Variants in PATJ observed in about 807,000 individuals in gnomAD.
The protein encoded by PATJ is inaD-like protein.
Under a neutral mutation model 224.9 loss-of-function variants are expected in PATJ, and 190 were observed. That is an observed-to-expected ratio of 0.84 (90% CI 0.75 to 0.95). PATJ has a LOEUF of 0.95. PATJ is among the 40% of genes least tolerant of loss of function. The probability of loss-of-function intolerance (pLI) is 0.00; values close to 1 mark genes in which losing one functional copy is unlikely to be tolerated. For synonymous variants in PATJ, 769 were observed against 820.3 expected (o/e 0.94, Z 1.07); for missense variants, 2,121 against 2,270.3 (o/e 0.93, Z 1.34).
chr1:62,100,911 A>G (rs1570594645), intron 33 of PATJ, among the ~76,000 whole-genome samples: 1 of 152,310 alleles, frequency 6.6e-6, no homozygotes, highest in South Asian at 2.1e-4. Context: ...AGAAGGATCA[A>G]TCAACTTTAT....
chr1:62,161,291 G>A lies in PATJ; in HGVS notation c.*237G>A, dbSNP rs1367928819. On this transcript the variant is annotated 3_prime_UTR_variant, in exon 44 of 44. Transcript: ENST00000642238. ...CGAGGTTGATTTCTAAAACTTAAAT[G>A]AGTCTACCTGTTTTGCATTTAATTT... 2.6e-5 allele frequency: 8 copies of A among 310,368 alleles called. No individual in the cohort carries two copies. Among genetic ancestry groups the A allele is most frequent in the Non-Finnish European group, 4.7e-5 (8 of 169,808 alleles). 19.2% of individuals were successfully genotyped at this position (310,368 alleles called of 1,614,324 possible).
chr1:62,134,778 G>A (rs1019996160), intron 41 of PATJ, among the ~76,000 whole-genome samples: 3 of 152,142 alleles, frequency 2.0e-5, no homozygotes, highest in East Asian at 1.9e-4. Context: ...TGCCTCGGGC[G>A]CAGGCCTCGC....
At chr1:61,796,744 TTTTTCTTCC>T (rs1402908228) in intron 10 of PATJ, among the ~76,000 whole-genome samples, 5 of 119,090 alleles carry the variant, frequency 4.2e-5, no homozygotes, top group African/African-American at 1.3e-4. Flanking sequence ...TTCTTTCTTT[TTTTTCTTCC>T]TTTCTTCCTT....
At chr1:62,095,937 A>G (rs1022907869) in intron 33 of PATJ, among the ~76,000 whole-genome samples, 1 of 152,204 alleles carries the variant, frequency 6.6e-6, no homozygotes, top group Non-Finnish European at 1.5e-5. Flanking sequence ...ATGCATGACC[A>G]GCAGCACTGA....
intron 28 of PATJ, among the ~76,000 whole-genome samples, chr1:62,016,841 ACATGTTTACAAAAT>A (rs1327758332): frequency 6.6e-6 from 1 of 152,218 alleles, no homozygotes; most frequent in Non-Finnish European, 1.5e-5. Flanking sequence ...AATAACCTTG[ACATGTTTACAAAAT>A]CATGTTTAAT....
chr1:61,927,252 G>A (rs1370345127), intron 26 of PATJ, among the ~76,000 whole-genome samples: 1 of 151,914 alleles, frequency 6.6e-6, no homozygotes, highest in Non-Finnish European at 1.5e-5. Context: ...AGAAAATCTT[G>A]GTATGTCACG....
intron 7 of PATJ, among the ~76,000 whole-genome samples, chr1:61,780,815 CAG>C (rs1177092462): frequency 6.6e-6 from 1 of 152,106 alleles, no homozygotes; most frequent in East Asian, 1.9e-4. Flanking sequence ...ATAAGATGTG[CAG>C]AGTTTCCCAG....
intron 31 of PATJ, among the ~76,000 whole-genome samples, chr1:62,073,530 G>C (rs1570454830): frequency 6.6e-6 from 1 of 152,108 alleles, no homozygotes; most frequent in African/African-American, 2.4e-5. Flanking sequence ...CTACTCAGGA[G>C]GCTGAGGCCT....
At chr1:61,794,148 C>T (rs113296847) in intron 9 of PATJ, among the ~76,000 whole-genome samples, 3,793 of 151,930 alleles carry the variant, frequency 0.025, 179 homozygotes, top group African/African-American at 0.087. Context: ...GTGATCTGTC[C>T]GCCTCAGCCT....
At chr1:62,056,090 G>A (rs1456016953) in intron 31 of PATJ, among the ~76,000 whole-genome samples, 1 of 152,120 alleles carries the variant, frequency 6.6e-6, no homozygotes, top group Non-Finnish European at 1.5e-5. Flanking sequence ...CAATTGGATG[G>A]TGCCTTGCCC....
chr1:61,787,736 T>C lies in PATJ; in HGVS notation c.850-18T>C, dbSNP rs1446507104. 3 of 1,573,588 alleles carry C rather than the reference T, an allele frequency of 1.9e-6. No individual in the cohort carries two copies. Among genetic ancestry groups the C allele is most frequent in the Non-Finnish European group, 2.6e-6 (3 of 1,143,740 alleles). On this transcript the variant is annotated intron_variant, in intron 7 of 43. Transcript: ENST00000642238. ...TACAGCATTTATTTCTCAAAATAAT[T>C]TTGTCTTTTTCTTGAAGGATGGAAG... is the stretch of plus-strand genomic sequence containing the variant.
intron 36 of PATJ, 112 bp from the exon 37 acceptor site, chr1:62,117,020 T>C: frequency 2.3e-6 from 2 of 858,052 alleles, no homozygotes; most frequent in Non-Finnish European, 3.7e-6. Context: ...GCTATGCCTG[T>C]TGCTTTCATT....
intron 10 of PATJ, among the ~76,000 whole-genome samples, chr1:61,796,826 TTCCC>T (rs369595683): frequency 8.8e-5 from 13 of 147,948 alleles, no homozygotes; most frequent in Admixed American, 5.4e-4. Flanking sequence ...CCTTCCTTCC[TTCCC>T]TCCCTCCCTC....
intron 28 of PATJ, among the ~76,000 whole-genome samples, chr1:62,017,179 G>A (rs1197390902): frequency 6.6e-6 from 1 of 152,138 alleles, no homozygotes; most frequent in Non-Finnish European, 1.5e-5. Flanking sequence ...ACTTTGGGAG[G>A]CCAAGGCCTA....
chr1:61,987,746 A>G (rs1173594746), intron 27 of PATJ, among the ~76,000 whole-genome samples: 1 of 152,098 alleles, frequency 6.6e-6, no homozygotes, highest in Admixed American at 6.6e-5. Context: ...ACAGCTACCC[A>G]TGTTCTCCTC....
chr1:61,765,066 A>ATTTTTTTTTTTTTTTTTT lies in PATJ; in HGVS notation c.190-1197_190-1180dup, dbSNP rs71582647. Among the ~76,000 whole-genome samples the ATTTTTTTTTTTTTTTTTT allele has an allele frequency of 2.9e-4, 7 of 24,010 alleles. 3 individuals are homozygous for ATTTTTTTTTTTTTTTTTT. The highest frequency in any genetic ancestry group is 5.2e-4 in the Non-Finnish European group (7 of 13,504). The allele number at this position is 24,010 out of a possible 152,430, so 15.8% of individuals were successfully genotyped here. On this transcript the variant is annotated intron_variant, in intron 3 of 43. Coordinates refer to ENST00000642238, the MANE Select transcript of PATJ (RefSeq NM_001350145.3). ...TTTCTTTGAGGTTTTATTGACATTC[A>ATTTTTTTTTTTTTTTTTT]TTTTTTTTTTTTTTTTTTTTTTTTT...
intron 14 of PATJ, among the ~76,000 whole-genome samples, chr1:61,818,252 C>T (rs1269833904): frequency 6.6e-6 from 1 of 152,230 alleles, no homozygotes; most frequent in Non-Finnish European, 1.5e-5. Flanking sequence ...CCCTTGAATA[C>T]ATTTCCTTGT....
At chr1:62,106,709 C>T (rs571784338) in intron 33 of PATJ, among the ~76,000 whole-genome samples, 11 of 152,228 alleles carry the variant, frequency 7.2e-5, no homozygotes, top group South Asian at 2.1e-4. Flanking sequence ...ACATTGATGA[C>T]GCCCCTGTGG....
intron 30 of PATJ, among the ~76,000 whole-genome samples, chr1:62,047,063 T>C (rs11576777): frequency 6.6e-6 from 1 of 152,076 alleles, no homozygotes; most frequent in Admixed American, 6.6e-5. Context: ...AAAGTAAAGG[T>C]TCCTCTAATT....
Sources: allele counts gnomAD v4.1 joint callset (sites outside exome capture counted in the v4.1 genomes callset), GRCh38; gene constraint gnomAD v4.1.1; transcripts MANE v1.5; gene names NCBI Gene and HGNC (gene_info 2026-07-23, HGNC 2026-07-21).